TYR: variants seen among roughly 807,000 people sequenced by gnomAD.
TYR encodes LB24-AB.
TYR carries 58 observed loss-of-function variants against 51.5 expected under a neutral mutation model. That is an observed-to-expected ratio of 1.13 (90% CI 0.91 to 1.40). The LOEUF is 1.40. Ranked by LOEUF, TYR falls within the 40% of genes most tolerant of loss-of-function variation. The pLI, the probability that TYR is intolerant of heterozygous loss-of-function variation, is 0.00. For synonymous variants in TYR, 263 were observed against 235.2 expected (o/e 1.12, Z -1.08); for missense variants, 732 against 647.4 (o/e 1.13, Z -1.42).
At chr11:89,227,673 T>C in intron 2 of TYR, 150 bp from the exon 3 acceptor site, 2 of 714,950 alleles carry the variant, frequency 2.8e-6, no homozygotes, top group South Asian at 1.9e-5. Context: ...GTATCCAGAA[T>C]GTAAAGAGTC....
rs1944759923 is a variant in TYR, at chr11:89,284,687, A to G, written c.1185-86A>G. 4 of 1,188,208 alleles carry G rather than the reference A, an allele frequency of 3.4e-6. No homozygotes were observed. In the African/African-American group the frequency reaches 6.1e-5, roughly 18 times the overall value. 73.6% of individuals were successfully genotyped at this position (1,188,208 alleles called of 1,614,324 possible). ...TCTTTCCATGTCTCCAGATTTTAAT[A>G]TATGCCTTATTTTACTTTAAAAATT... On this transcript the variant is annotated intron_variant, in intron 3 of 4. Transcript: ENST00000263321.
intron 2 of TYR, among the ~76,000 whole-genome samples, chr11:89,198,754 C>CATATATATATATATATATATATATAT (rs144458836): frequency 8.0e-4 from 117 of 146,344 alleles, no homozygotes; most frequent in African/African-American, 3.0e-3. Flanking sequence ...ACTTTTTTCT[C>CATATATATATATATATATATATATAT]ATATATATAT....
chr11:89,235,841 T>C (rs971699699), intron 3 of TYR, among the ~76,000 whole-genome samples: 1 of 152,136 alleles, frequency 6.6e-6, no homozygotes, highest in Non-Finnish European at 1.5e-5. Flanking sequence ...TAAATGCTCT[T>C]ACCACAATAA....
At chr11:89,202,076 T>C (rs1056233405) in intron 2 of TYR, among the ~76,000 whole-genome samples, 2 of 120,756 alleles carry the variant, frequency 1.7e-5, no homozygotes, top group Non-Finnish European at 3.4e-5. Context: ...CACAGTGACT[T>C]ATATAATAAT....
chr11:89,228,372 G>A (rs1006649596), intron 3 of TYR, among the ~76,000 whole-genome samples: 1 of 152,146 alleles, frequency 6.6e-6, no homozygotes, highest in Admixed American at 6.6e-5. Context: ...GGTAGGGGAT[G>A]TAAAACTCCC....
At chr11:89,237,720 A>G (rs1445855501) in intron 3 of TYR, among the ~76,000 whole-genome samples, 1 of 152,182 alleles carries the variant, frequency 6.6e-6, no homozygotes, top group Non-Finnish European at 1.5e-5. Context: ...CATTTCTGTG[A>G]AAAACATCAT....
At chr11:89,180,214 G>A (rs1943283438) in intron 1 of TYR, among the ~76,000 whole-genome samples, 1 of 152,128 alleles carries the variant, frequency 6.6e-6, no homozygotes, top group Admixed American at 6.5e-5. Context: ...AATCTATAAT[G>A]TGCAAACTCT....
At chr11:89,245,674 G>A (rs1207852972) in intron 3 of TYR, among the ~76,000 whole-genome samples, 2 of 152,180 alleles carry the variant, frequency 1.3e-5, no homozygotes, top group Non-Finnish European at 2.9e-5. Context: ...TGTAATCCCA[G>A]CACTTTGGGA....
chr11:89,267,865 A>G (rs1248344858), intron 3 of TYR, among the ~76,000 whole-genome samples: 1 of 151,936 alleles, frequency 6.6e-6, no homozygotes, highest in African/African-American at 2.4e-5. Context: ...GGTGTCCTGG[A>G]AAGTGCCAAG....
chr11:89,224,804 T>C (rs1443304742), intron 2 of TYR, among the ~76,000 whole-genome samples: 3 of 152,182 alleles, frequency 2.0e-5, no homozygotes, highest in Non-Finnish European at 4.4e-5. Context: ...TGTATAACTT[T>C]AATTACTAGG....
At chr11:89,264,577 A>T (rs1274083355) in intron 3 of TYR, among the ~76,000 whole-genome samples, 1 of 151,950 alleles carries the variant, frequency 6.6e-6, no homozygotes, top group Non-Finnish European at 1.5e-5. Flanking sequence ...TATATACCCA[A>T]AGAAATATAA....
chr11:89,243,173 T>C (rs1186579120), intron 3 of TYR, among the ~76,000 whole-genome samples: 1 of 152,188 alleles, frequency 6.6e-6, no homozygotes, highest in Non-Finnish European at 1.5e-5. Flanking sequence ...TTTATTGGGG[T>C]TTAGAGGTCC....
chr11:89,224,412 A>G (rs1321130662), intron 2 of TYR, among the ~76,000 whole-genome samples: 1 of 152,208 alleles, frequency 6.6e-6, no homozygotes, highest in African/African-American at 2.4e-5. Flanking sequence ...TTATACTTCC[A>G]GTATGTAACA....
chr11:89,245,747 T>C (rs536786779), intron 3 of TYR, among the ~76,000 whole-genome samples: 5 of 151,840 alleles, frequency 3.3e-5, no homozygotes, highest in African/African-American at 4.8e-5. Flanking sequence ...ATGGTGAAAC[T>C]CGGTCTCTAC....
chr11:89,255,794 T>G (rs1449105333), intron 3 of TYR, among the ~76,000 whole-genome samples: 2 of 151,784 alleles, frequency 1.3e-5, no homozygotes, highest in Non-Finnish European at 2.9e-5. Context: ...TCTCTTCTAA[T>G]TTTTTATAAC....
intron 2 of TYR, among the ~76,000 whole-genome samples, chr11:89,206,277 A>G (rs1167786370): frequency 6.6e-6 from 1 of 152,106 alleles, no homozygotes; most frequent in Non-Finnish European, 1.5e-5. Flanking sequence ...TAGATATAAC[A>G]ATATTTGTGA....
At chr11:89,210,157 A>G (rs754594021) in intron 2 of TYR, among the ~76,000 whole-genome samples, 44 of 152,192 alleles carry the variant, frequency 2.9e-4, no homozygotes, top group Non-Finnish European at 4.1e-4. Flanking sequence ...AAGGTGGGTA[A>G]TAACAAACAT....
At chr11:89,215,555 GC>G (rs1371098606) in intron 2 of TYR, among the ~76,000 whole-genome samples, 1 of 151,942 alleles carries the variant, frequency 6.6e-6, no homozygotes, top group Non-Finnish European at 1.5e-5. Context: ...TATTGCTTTG[GC>G]AAAGAATAAA....
intron 2 of TYR, among the ~76,000 whole-genome samples, chr11:89,217,851 T>C (rs1443494199): frequency 6.6e-6 from 1 of 152,216 alleles, no homozygotes; most frequent in Admixed American, 6.5e-5. Context: ...CATTTTCTAC[T>C]ACATGGAAAA....
Sources: allele counts gnomAD v4.1 joint callset (sites outside exome capture counted in the v4.1 genomes callset), GRCh38; gene constraint gnomAD v4.1.1; transcripts MANE v1.5; gene names NCBI Gene and HGNC (gene_info 2026-07-23, HGNC 2026-07-21).